Variants in GOLM2 observed in about 807,000 individuals in gnomAD.
The protein encoded by GOLM2 is golgi membrane protein 2, also known as protein GOLM2.
In GOLM2, 26 loss-of-function variants were observed where a neutral mutation model predicts 55.9. The observed-to-expected ratio is 0.47, with a 90% confidence interval of 0.34 to 0.65. The LOEUF is 0.65. GOLM2 is among the 30% of genes least tolerant of loss of function. The pLI, the probability that GOLM2 is intolerant of heterozygous loss-of-function variation, is 0.01. For missense variants in GOLM2, 486 were observed against 531.8 expected, an observed-to-expected ratio of 0.91 and a Z score of 0.85; for synonymous variants, 165 against 194.6, an observed-to-expected ratio of 0.85 and a Z score of 1.27.
chr15:44,391,544 C>T (rs193075269), intron 8 of GOLM2, among the ~76,000 whole-genome samples: 4 of 150,104 alleles, frequency 2.7e-5, no homozygotes, highest in Admixed American at 2.0e-4. Context: ...TTGGAAAGAT[C>T]GTCAGCACAC....
intron 6 of GOLM2, among the ~76,000 whole-genome samples, chr15:44,372,705 G>A (rs911501699): frequency 6.6e-6 from 1 of 152,156 alleles, no homozygotes; most frequent in Non-Finnish European, 1.5e-5. Context: ...GGAGCTACCA[G>A]ATACAGTCCC....
intron 1 of GOLM2, among the ~76,000 whole-genome samples, chr15:44,317,967 T>G (rs1728314385): frequency 6.6e-6 from 1 of 152,234 alleles, no homozygotes; most frequent in African/African-American, 2.4e-5. Context: ...TGTATTTACC[T>G]CTCTTTTCTG....
intron 6 of GOLM2, among the ~76,000 whole-genome samples, chr15:44,364,132 A>G (rs2079265487): frequency 6.6e-6 from 1 of 152,140 alleles, no homozygotes; most frequent in Non-Finnish European, 1.5e-5. Context: ...AGCATGTCAC[A>G]TGTATATGTA....
rs965500778 is a variant in GOLM2, at chr15:44,288,738, G to C, written c.-292G>C. 1.1e-5 allele frequency: 5 copies of C among 449,104 alleles called. No individual in the cohort carries two copies. Among genetic ancestry groups the C allele is most frequent in the African/African-American group, 6.3e-5 (3 of 47,918 alleles). 27.8% of individuals were successfully genotyped at this position (449,104 alleles called of 1,614,324 possible). The stretch of plus-strand genomic sequence containing the variant: ...TTTTTCCCCGCCTCCCAACCGTGAG[G>C]TGTTGGGTTTGGGGGACGCTGGCAG... On this transcript the variant is annotated 5_prime_UTR_variant, in exon 1 of 10. Transcript: ENST00000299957.
intron 1 of GOLM2, among the ~76,000 whole-genome samples, chr15:44,321,392 G>A (rs1194503832): frequency 1.4e-5 from 2 of 146,698 alleles, no homozygotes; most frequent in Non-Finnish European, 3.0e-5. Context: ...GATCGCTTGA[G>A]CCCTGCAGAT....
intron 1 of GOLM2, among the ~76,000 whole-genome samples, chr15:44,321,491 GT>G (rs1567024933): frequency 4.8e-5 from 7 of 144,620 alleles, no homozygotes; most frequent in African/African-American, 1.5e-4. Context: ...AAAAGGGGGG[GT>G]GGGGGGATAG....
chr15:44,318,043 T>C (rs894166000), intron 1 of GOLM2, among the ~76,000 whole-genome samples: 6 of 152,374 alleles, frequency 3.9e-5, no homozygotes, highest in African/African-American at 1.2e-4. Flanking sequence ...GTAAATACTT[T>C]AGGCTTTGCA....
chr15:44,380,230 A>G (rs2079392821), intron 7 of GOLM2, among the ~76,000 whole-genome samples: 1 of 152,190 alleles, frequency 6.6e-6, no homozygotes, highest in Non-Finnish European at 1.5e-5. Context: ...ATATGATTGA[A>G]GAGACCTGCT....
intron 1 of GOLM2, among the ~76,000 whole-genome samples, chr15:44,310,134 G>A (rs1030448765): frequency 3.3e-5 from 5 of 152,120 alleles, no homozygotes; most frequent in Middle Eastern, 3.4e-3. Flanking sequence ...TCTGCTTGCC[G>A]TGGCCTCCCA....
At chr15:44,310,407 C>T in intron 1 of GOLM2, among the ~76,000 whole-genome samples, 1 of 149,002 alleles carries the variant, frequency 6.7e-6, no homozygotes, top group Non-Finnish European at 1.5e-5. Flanking sequence ...GAGTTCGAGA[C>T]CAGCTTGGGC....
intron 8 of GOLM2, among the ~76,000 whole-genome samples, chr15:44,401,102 T>C (rs1294141883): frequency 6.6e-6 from 1 of 152,148 alleles, no homozygotes; most frequent in Non-Finnish European, 1.5e-5. Flanking sequence ...GTAAATTTTA[T>C]TTATTTATTT....
chr15:44,399,823 C>T (rs900072041), intron 8 of GOLM2, among the ~76,000 whole-genome samples: 7 of 151,880 alleles, frequency 4.6e-5, no homozygotes, highest in East Asian at 1.9e-4. Context: ...GGTGAAATCC[C>T]GTCTGTACTA....
intron 8 of GOLM2, among the ~76,000 whole-genome samples, chr15:44,388,901 C>T (rs537930626): frequency 5.3e-5 from 8 of 152,080 alleles, no homozygotes; most frequent in South Asian, 2.1e-4. Flanking sequence ...CTGCAAGCTC[C>T]GCCTCCCGGG....
chr15:44,350,156 A>T (rs1204276585), intron 6 of GOLM2, among the ~76,000 whole-genome samples: 1 of 152,170 alleles, frequency 6.6e-6, no homozygotes, highest in East Asian at 1.9e-4. Context: ...ACATAAATGA[A>T]ATTGAAATGA....
intron 6 of GOLM2, among the ~76,000 whole-genome samples, chr15:44,361,544 G>A (rs1367873507): frequency 3.3e-5 from 5 of 151,978 alleles, no homozygotes; most frequent in African/African-American, 1.2e-4. Context: ...TGAAATTGTG[G>A]CAATAATCAA....
intron 1 of GOLM2, among the ~76,000 whole-genome samples, chr15:44,306,700 T>A (rs2078839676): frequency 6.6e-6 from 1 of 152,218 alleles, no homozygotes; most frequent in African/African-American, 2.4e-5. Flanking sequence ...TACAACTCTT[T>A]TACTTGAACA....
chr15:44,352,331 C>T (rs2079169954), intron 6 of GOLM2, among the ~76,000 whole-genome samples: 1 of 152,170 alleles, frequency 6.6e-6, no homozygotes, highest in Admixed American at 6.5e-5. Flanking sequence ...AGGACAGTCT[C>T]TTCATTAGAT....
At chr15:44,330,442 G>A (rs1194157070) in intron 3 of GOLM2, among the ~76,000 whole-genome samples, 1 of 150,298 alleles carries the variant, frequency 6.7e-6, no homozygotes, top group African/African-American at 2.4e-5. Context: ...GAACCTGGGA[G>A]GCAGAGGTTG....
chr15:44,374,550 G>C (rs2079351678), intron 6 of GOLM2, among the ~76,000 whole-genome samples: 1 of 152,090 alleles, frequency 6.6e-6, no homozygotes, highest in Admixed American at 6.6e-5. Context: ...TAAAGAAAGA[G>C]GTTTAATCAG....
Sources: allele counts gnomAD v4.1 joint callset (sites outside exome capture counted in the v4.1 genomes callset), GRCh38; gene constraint gnomAD v4.1.1; transcripts MANE v1.5; gene names NCBI Gene and HGNC (gene_info 2026-07-23, HGNC 2026-07-21).